TNIK: variants seen among roughly 807,000 people sequenced by gnomAD.
TNIK encodes the protein TRAF2 and NCK-interacting protein kinase.
TNIK carries 49 observed loss-of-function variants against 191.3 expected under a neutral mutation model. The observed-to-expected ratio is 0.26, with a 90% CI of 0.20 to 0.32. The LOEUF is 0.32. TNIK is among the 10% of genes least tolerant of loss of function. The pLI is 1.00. For synonymous variants in TNIK, 594 were observed against 600.9 expected, an observed-to-expected ratio of 0.99 and a Z score of 0.17; for missense variants, 1,155 against 1,702.3, an observed-to-expected ratio of 0.68 and a Z score of 5.66.
chr3:171,168,348 G>A (rs1166483317), intron 9 of TNIK, among the ~76,000 whole-genome samples: 1 of 152,138 alleles, frequency 6.6e-6, no homozygotes, highest in Non-Finnish European at 1.5e-5. Flanking sequence ...CTCTCCTGTG[G>A]TGCACAGGGG....
rs757827013 is a variant in TNIK at position 171,101,534 on chromosome 3, A to G, written c.2506T>C (p.Ser836Pro). 2 of 1,612,874 alleles carry G rather than the reference A, an allele frequency of 1.2e-6. No individual in the cohort carries two copies. Among genetic ancestry groups the G allele is most frequent in the South Asian group, 2.2e-5 (2 of 91,012 alleles). ...VTDYSSSSEE[S>P]ESSEEEEEDG... ...TCCTCCTCTTCCTCGCTACTTTCTG[A>G]CTCCTCACTGGAGGAGGAGTAATCA... Residue 836 changes from serine (S) to proline (P), a missense_variant, in exon 22 of 33, where the codon TCA (serine) becomes CCA (proline). Transcript: ENST00000436636.
At chr3:171,256,490 T>G (rs1746890891) in intron 2 of TNIK, among the ~76,000 whole-genome samples, 1 of 152,168 alleles carries the variant, frequency 6.6e-6, no homozygotes. Flanking sequence ...CAATACTTCA[T>G]GAACACTAAA....
intron 2 of TNIK, among the ~76,000 whole-genome samples, chr3:171,362,132 A>T (rs1715072500): frequency 6.6e-6 from 1 of 152,090 alleles, no homozygotes; most frequent in African/African-American, 2.4e-5. Context: ...TTCAGAAACC[A>T]TTTTCACCCC....
At chr3:171,160,200 C>T (rs1037122658) in intron 11 of TNIK, among the ~76,000 whole-genome samples, 15 of 152,196 alleles carry the variant, frequency 9.9e-5, no homozygotes, top group Non-Finnish European at 2.9e-5. Context: ...AGTATTCGGT[C>T]TTTGACCTTG....
chr3:171,273,449 G>T (rs1376328758), intron 2 of TNIK, among the ~76,000 whole-genome samples: 1 of 152,178 alleles, frequency 6.6e-6, no homozygotes, highest in Non-Finnish European at 1.5e-5. Context: ...TAGGGGTGAT[G>T]CAAGTGAGTA....
chr3:171,084,599 C>T (rs970080818), intron 25 of TNIK, among the ~76,000 whole-genome samples: 2 of 152,132 alleles, frequency 1.3e-5, no homozygotes, highest in African/African-American at 2.4e-5. Flanking sequence ...CATCCCCACT[C>T]TTGTATATAG....
In TNIK at chr3:171,354,867, A is replaced by G. The variant is rs540902713; in HGVS notation, c.123+14753T>C. 2.4e-3 allele frequency among the ~76,000 whole-genome samples: 359 copies of G among 152,328 alleles called. 2 individuals carry two copies. Among genetic ancestry groups the G allele is most frequent in the African/African-American group, 8.1e-3 (335 of 41,596 alleles). On this transcript the variant is annotated intron_variant, in intron 2 of 32. Coordinates refer to ENST00000436636, the MANE Select transcript of TNIK (RefSeq NM_015028.4). Reference sequence around the variant, plus strand: ...TGACCATAGTATTACTCATCAACTTAATCAGGTAGCCATAAATCTCCTATG... The same window carrying G: ...TGACCATAGTATTACTCATCAACTTGATCAGGTAGCCATAAATCTCCTATG...
intron 26 of TNIK, among the ~76,000 whole-genome samples, chr3:171,082,860 C>T (rs1224365897): frequency 6.6e-6 from 1 of 152,174 alleles, no homozygotes; most frequent in Admixed American, 6.5e-5. Flanking sequence ...GGAAGAAAGG[C>T]CCTTCCTCCT....
chr3:171,377,532 T>C (rs915720851), intron 1 of TNIK, among the ~76,000 whole-genome samples: 1 of 152,242 alleles, frequency 6.6e-6, no homozygotes, highest in African/African-American at 2.4e-5. Context: ...TCGTTGTCAT[T>C]GGGATAGGCC....
intron 15 of TNIK, among the ~76,000 whole-genome samples, chr3:171,131,814 CTAA>C (rs1303429321): frequency 2.6e-5 from 4 of 152,138 alleles, no homozygotes; most frequent in African/African-American, 9.7e-5. Flanking sequence ...GGCACTTCTC[CTAA>C]TAATACCTTC....
Position 171,126,018 on chromosome 3 carries a change from G to T in TNIK, c.1907C>A (p.Pro636Gln). Residue 636 changes from proline to glutamine, a missense_variant, in exon 17 of 33, where the codon CCA becomes CAA. Physicochemically the swap from Pro to Gln is moderately conservative, Grantham distance 76 (BLOSUM62 -1). Around this residue, in one of 3 missense-constraint regions of TNIK, gnomAD observed 735 missense variants for 848.0 expected, o/e 0.87. Coordinates refer to ENST00000436636, the MANE Select transcript of TNIK (RefSeq NM_015028.4). Reference sequence around the variant, plus strand: ...CGAGGTGGGATCTGAGTTCTGGCGTGGCATCTCCACGCGGTGGGAGGTCAC... The same window carrying T: ...CGAGGTGGGATCTGAGTTCTGGCGTTGCATCTCCACGCGGTGGGAGGTCAC... The part of the protein sequence containing the change: ...LNVTSHRVEM[P>Q]RQNSDPTSEN... 1 of 1,613,950 alleles carries T rather than the reference G, an allele frequency of 6.2e-7. No homozygotes were observed. Among genetic ancestry groups the T allele is most frequent in the Non-Finnish European group, 8.5e-7 (1 of 1,179,882 alleles).
rs529794143 is a variant in TNIK, at chr3:171,452,178, GAAC to G, written c.57+7826_57+7828del. Among the ~76,000 whole-genome samples the G allele has an allele frequency of 1.2e-3, 188 of 152,132 alleles. 1 individual carries two copies. The highest frequency in any genetic ancestry group is 4.4e-3 in the African/African-American group (184 of 41,494). On this transcript the variant is annotated intron_variant, in intron 1 of 32. Transcript: ENST00000436636. Reference sequence around the variant, plus strand: ...CCTATCACTCGGTCTTCAAAAACTAGAACAACACTTTAAATTATAAATCAGAAT... The same window carrying G: ...CCTATCACTCGGTCTTCAAAAACTAGAACACTTTAAATTATAAATCAGAAT...
intron 2 of TNIK, among the ~76,000 whole-genome samples, chr3:171,349,766 A>G (rs1262180000): frequency 6.6e-6 from 1 of 152,214 alleles, no homozygotes; most frequent in Non-Finnish European, 1.5e-5. Context: ...TAATATTTGA[A>G]AGCTATCCAT....
At chr3:171,345,981 C>T (rs992881063) in intron 2 of TNIK, among the ~76,000 whole-genome samples, 20 of 151,632 alleles carry the variant, frequency 1.3e-4, no homozygotes, top group African/African-American at 3.2e-4. Flanking sequence ...ATGAATGCTA[C>T]GGGAAAAAAA....
At chr3:171,204,642 A>C (rs1739840576) in intron 4 of TNIK, among the ~76,000 whole-genome samples, 1 of 152,350 alleles carries the variant, frequency 6.6e-6, no homozygotes, top group Admixed American at 6.5e-5. Context: ...CACTTTTCAA[A>C]ATGTATTTCT....
At chr3:171,067,672 CAA>C (rs750331814) in intron 30 of TNIK, among the ~76,000 whole-genome samples, 11,514 of 78,522 alleles carry the variant, frequency 0.15, 447 homozygotes, top group Middle Eastern at 0.23. Flanking sequence ...ACTCCGTATC[CAA>C]AAAAAAAAAA....
intron 14 of TNIK, 72 bp downstream of exon 14, chr3:171,139,370 GCACGCGCGCACACACACACACACACACA>G: frequency 1.6e-5 from 14 of 902,980 alleles, no homozygotes; most frequent in Non-Finnish European, 2.2e-5. Context: ...AAGGACACAC[GCACGCGCGCACACACACACACACACACA>G]CACACACACA....
chr3:171,134,914 A>G (rs56391371), intron 15 of TNIK, among the ~76,000 whole-genome samples: 4,483 of 152,298 alleles, frequency 0.029, 220 homozygotes, highest in African/African-American at 0.1. Context: ...AGAAGAAGAA[A>G]AAAAAACTTG....
chr3:171,094,148 T>C (rs1722424073), intron 22 of TNIK, among the ~76,000 whole-genome samples, 180 bp from the exon 23 acceptor site: 1 of 152,208 alleles, frequency 6.6e-6, no homozygotes, highest in Admixed American at 6.5e-5. Flanking sequence ...AATTTTTTTT[T>C]TTTTGAGAAG....
Sources: gnomAD v4.1 joint callset for allele counts (sites outside exome capture counted in the v4.1 genomes callset) on GRCh38, gnomAD v4.1.1 for gene constraint, gnomAD v4.1.1 regional missense constraint, MANE v1.5 for transcripts, NCBI Gene and HGNC (gene_info 2026-07-23, HGNC 2026-07-21) for gene names.